CDK2: variants seen among roughly 807,000 people sequenced by gnomAD.
CDK2 encodes the protein cyclin-dependent kinase 2.
CDK2 carries 8 observed loss-of-function variants against 35.0 expected under a neutral mutation model. That is an observed-to-expected ratio of 0.23 (90% CI 0.13 to 0.41). The LOEUF is 0.41. Among genes scored for constraint, CDK2 ranks in the 10% least tolerant of loss-of-function variants. The pLI is 1.00. For synonymous variants in CDK2, 134 were observed against 137.7 expected, an observed-to-expected ratio of 0.97 and a Z score of 0.19; for missense variants, 201 against 367.1, an observed-to-expected ratio of 0.55 and a Z score of 3.70.
At chr12:55,970,478 T>C (rs1889444372) in intron 5 of CDK2, 1 of 606,002 alleles carries the variant, frequency 1.7e-6, no homozygotes, top group African/African-American at 1.8e-5. Context: ...TTATCTTGGT[T>C]GTAACCAAGA....
In CDK2 at chr12:55,968,017, C is replaced by A; in HGVS notation, c.195-32C>A. 1.9e-6 allele frequency: 3 copies of A among 1,613,994 alleles called. No individual in the cohort carries two copies. The South Asian group carries it at 3.3e-5, about 18-fold the overall frequency. On this transcript the variant is annotated intron_variant, in intron 2 of 6. Coordinates refer to ENST00000266970, the MANE Select transcript of CDK2 (RefSeq NM_001798.5). Reference sequence around the variant, plus strand: ...AGTGTGGGCATTTCTCTCTCTCACACACCTCCATTTCCTCAAACTTTCCTT... The same window carrying A: ...AGTGTGGGCATTTCTCTCTCTCACAAACCTCCATTTCCTCAAACTTTCCTT...
At position 55,966,979 on chromosome 12, in the gene CDK2, G is replaced by A; in HGVS notation, c.-30G>A. 1 of 1,566,812 alleles carries A rather than the reference G, an allele frequency of 6.4e-7. No homozygotes were observed. Among genetic ancestry groups the A allele is most frequent in the Non-Finnish European group, 8.7e-7 (1 of 1,145,742 alleles). On this transcript the variant is annotated 5_prime_UTR_variant, in exon 1 of 7. Coordinates refer to ENST00000266970, the MANE Select transcript of CDK2 (RefSeq NM_001798.5). ...CAGGGTTCCCAGGCCCCCGCTCCAG[G>A]GCCGGGCTGACCCGACTCGCTGGCG...
At chr12:55,967,271 G>A (rs953108225) in intron 1 of CDK2, 147 bp downstream of exon 1, 1 of 651,804 alleles carries the variant, frequency 1.5e-6, no homozygotes, top group African/African-American at 1.8e-5. Context: ...GGGGCCAGTA[G>A]AAGGTGAAGA....
At position 55,971,223 on chromosome 12, in the gene CDK2, TGAA is replaced by T; in HGVS notation, c.771_773del (p.Glu257del). ...TTAGTAAAGTTGTACCTCCCCTGGATGAAGATGGACGGAGCTTGTTATCGGTGA... is the reference window on the plus strand; with the variant it reads ...TTAGTAAAGTTGTACCTCCCCTGGATGATGGACGGAGCTTGTTATCGGTGA... On this transcript the variant is annotated inframe_deletion, in exon 6 of 7. Transcript: ENST00000266970. 5.0e-6 allele frequency: 8 copies of T among 1,614,128 alleles called. No homozygotes were observed. The highest frequency in any genetic ancestry group is 6.8e-6 in the Non-Finnish European group (8 of 1,180,026).
intron 5 of CDK2, 34 bp downstream of exon 5, chr12:55,969,610 C>A: frequency 8.4e-7 from 1 of 1,188,728 alleles, no homozygotes; most frequent in Non-Finnish European, 1.2e-6. Flanking sequence ...ACCCAGCCCC[C>A]TCCCTCTCCT....
chr12:55,970,920 G>T (rs1889455675), intron 5 of CDK2, 124 bp from the exon 6 acceptor site: 1 of 822,336 alleles, frequency 1.2e-6, no homozygotes. Context: ...CCCATGAAAG[G>T]CCCTGGGGAG....
rs750293622 is a variant in CDK2, at chr12:55,969,464, C to T, written c.487-11C>T. On this transcript the variant is annotated splice_polypyrimidine_tract_variant and intron_variant, in intron 4 of 6. Coordinates refer to ENST00000266970, the MANE Select transcript of CDK2 (RefSeq NM_001798.5). ...TAAACCACCCCGCCCCTCCCTATTC[C>T]CGTCCCTCAGGTGGTGACCCTGTGG... The T allele has an allele frequency of 2.6e-6, 4 of 1,549,638 alleles. No homozygotes were observed. Among genetic ancestry groups the T allele is most frequent in the Non-Finnish European group, 3.5e-6 (4 of 1,127,640 alleles).
Position 55,971,561 on chromosome 12 carries a change from A to G in CDK2, c.833A>G (p.Lys278Arg). 1 of 1,614,168 alleles carries G rather than the reference A, an allele frequency of 6.2e-7. No individual in the cohort carries two copies. The highest frequency in any genetic ancestry group is 8.5e-7 in the Non-Finnish European group (1 of 1,180,000). Residue 278 changes from lysine (K) to arginine (R), a missense_variant, in exon 7 of 7, where the codon AAG becomes AGG. Transcript: ENST00000266970. ...HYDPNKRISA[K>R]AALAHPFFQD... ...GACCCTAACAAGCGGATTTCGGCCA[A>G]GGCAGCCCTGGCTCACCCTTTCTTC...
chr12:55,966,871 C>T lies in CDK2; in HGVS notation c.-138C>T, dbSNP rs756955863. Reference sequence around the variant, plus strand: ...CAAATTGACAAGAGCGAGAGGTATACTGCGTTCCATCCCGACCCGGGGCCA... The same window carrying T: ...CAAATTGACAAGAGCGAGAGGTATATTGCGTTCCATCCCGACCCGGGGCCA... On this transcript the variant is annotated 5_prime_UTR_variant, in exon 1 of 7. Transcript: ENST00000266970. 3.0e-5 allele frequency: 26 copies of T among 874,602 alleles called. No homozygotes were observed. Among genetic ancestry groups the T allele is most frequent in the Non-Finnish European group, 4.2e-5 (24 of 576,606 alleles). The allele number at this position is 874,602 out of a possible 1,614,324, so 54.2% of individuals were successfully genotyped here. A position where few individuals can be genotyped will look rare whatever the true frequency, so the allele number is the denominator to read the frequency against.
chr12:55,967,185 C>T (rs1335672309), intron 1 of CDK2, 61 bp downstream of exon 1: 6 of 1,290,082 alleles, frequency 4.7e-6, no homozygotes, highest in South Asian at 2.5e-5. Context: ...CCCCCCCAAC[C>T]CCCCACGGGC....
In CDK2 at chr12:55,966,999, C is replaced by G. The variant is rs1428494319; in HGVS notation, c.-10C>G. 6.2e-7 allele frequency: 1 copy of G among 1,604,542 alleles called. No homozygotes were observed. Among genetic ancestry groups the G allele is most frequent in the African/African-American group, 1.3e-5 (1 of 74,922 alleles). Reference sequence around the variant, plus strand: ...TCCAGGGCCGGGCTGACCCGACTCGCTGGCGCTTCATGGAGAACTTCCAAA... The same window carrying G: ...TCCAGGGCCGGGCTGACCCGACTCGGTGGCGCTTCATGGAGAACTTCCAAA... On this transcript the variant is annotated 5_prime_UTR_variant, in exon 1 of 7. Coordinates refer to ENST00000266970, the MANE Select transcript of CDK2 (RefSeq NM_001798.5).
At chr12:55,968,339 C>A in intron 3 of CDK2, 170 bp downstream of exon 3, 1 of 691,726 alleles carries the variant, frequency 1.4e-6, no homozygotes, top group South Asian at 2.0e-5. Flanking sequence ...ATTCATTAAC[C>A]CTAGGGTTGG....
intron 5 of CDK2, chr12:55,970,504 G>A (rs12312505): frequency 9.4e-6 from 6 of 638,034 alleles, no homozygotes; most frequent in African/African-American, 1.8e-5. Flanking sequence ...AAGACCATTA[G>A]CCTATACATA....
rs1485915765 is a variant in CDK2, at chr12:55,966,995, C to G, written c.-14C>G. On this transcript the variant is annotated 5_prime_UTR_variant, in exon 1 of 7. Coordinates refer to ENST00000266970, the MANE Select transcript of CDK2 (RefSeq NM_001798.5). ...CCGCTCCAGGGCCGGGCTGACCCGA[C>G]TCGCTGGCGCTTCATGGAGAACTTC... 6 of 1,599,970 alleles carry G rather than the reference C, an allele frequency of 3.8e-6. No individual in the cohort carries two copies. Among genetic ancestry groups the G allele is most frequent in the Non-Finnish European group, 4.3e-6 (5 of 1,171,056 alleles).
In CDK2 at chr12:55,971,152, A is replaced by G. The variant is rs1455710006; in HGVS notation, c.697A>G (p.Met233Val). The stretch of plus-strand genomic sequence containing the variant: ...GGTGGTGTGGCCAGGAGTTACTTCT[A>G]TGCCTGATTACAAGCCAAGTTTCCC... ...DEVVWPGVTS[M>V]PDYKPSFPKW... Residue 233 changes from methionine to valine, a missense_variant, in exon 6 of 7, where the codon ATG (methionine) becomes GTG (valine). By Grantham distance (21) the Met-to-Val change is conservative. This residue lies in a region of CDK2 where 106 missense variants were observed against 141.3 expected (regional missense o/e 0.75). Transcript: ENST00000266970. 3.7e-6 allele frequency: 6 copies of G among 1,614,026 alleles called. No homozygotes were observed. Among genetic ancestry groups the G allele is most frequent in the South Asian group, 1.1e-5 (1 of 91,070 alleles).
At chr12:55,970,140 G>A (rs1889434976) in intron 5 of CDK2, among the ~76,000 whole-genome samples, 1 of 151,748 alleles carries the variant, frequency 6.6e-6, no homozygotes, top group Non-Finnish European at 1.5e-5. Context: ...AAATTAGCCA[G>A]GTGTGGCTAC....
intron 1 of CDK2, 70 bp downstream of exon 1, chr12:55,967,194 G>T (rs961143148): frequency 6.1e-5 from 73 of 1,193,050 alleles, no homozygotes; most frequent in Non-Finnish European, 8.7e-5. Flanking sequence ...CCCCCCACGG[G>T]CGGGTAGCCG....
chr12:55,969,099 T>TCCATG, intron 4 of CDK2, 151 bp downstream of exon 4: 4 of 604,154 alleles, frequency 6.6e-6, no homozygotes, highest in Non-Finnish European at 1.1e-5. Flanking sequence ...TGCATGGAAT[T>TCCATG]CATACTGTGT....
At position 55,966,967 on chromosome 12, in the gene CDK2, C is replaced by T. The variant is rs755065253; in HGVS notation, c.-42C>T. On this transcript the variant is annotated 5_prime_UTR_variant, in exon 1 of 7. Transcript: ENST00000266970. The stretch of plus-strand genomic sequence containing the variant: ...GTCCGCCTTCTGCAGGGTTCCCAGG[C>T]CCCCGCTCCAGGGCCGGGCTGACCC... 4 of 1,493,786 alleles carry T rather than the reference C, an allele frequency of 2.7e-6. No homozygotes were observed. Among genetic ancestry groups the T allele is most frequent in the East Asian group, 2.3e-5 (1 of 43,272 alleles). 92.5% of individuals were successfully genotyped at this position (1,493,786 alleles called of 1,614,324 possible). A position where few individuals can be genotyped will look rare whatever the true frequency, so the allele number is the denominator to read the frequency against.
Sources: allele counts gnomAD v4.1 joint callset (sites outside exome capture counted in the v4.1 genomes callset), GRCh38; gene constraint gnomAD v4.1.1; regional missense constraint gnomAD v4.1.1; transcripts MANE v1.5; gene names NCBI Gene and HGNC (gene_info 2026-07-23, HGNC 2026-07-21).